OSBP: variants seen among roughly 807,000 people sequenced by gnomAD.
The protein encoded by OSBP is oxysterol binding protein, also known as oxysterol-binding protein 1.
In OSBP, 32 loss-of-function variants were observed where a neutral mutation model predicts 96.6. The ratio of observed to expected loss-of-function variants is 0.33; its 90% confidence interval spans 0.25 to 0.45. The LOEUF is 0.45. Among genes scored for constraint, OSBP ranks in the 20% least tolerant of loss-of-function variants. The probability of loss-of-function intolerance (pLI) is 1.00; values close to 1 mark genes in which losing one functional copy is unlikely to be tolerated. For synonymous variants in OSBP, 369 were observed against 389.6 expected (o/e 0.95, Z 0.62); for missense variants, 653 against 1,029.7 (o/e 0.63, Z 5.01).
At chr11:59,584,925 T>C (rs1860475389) in intron 9 of OSBP, among the ~76,000 whole-genome samples, 1 of 152,202 alleles carries the variant, frequency 6.6e-6, no homozygotes, top group Admixed American at 6.5e-5. Flanking sequence ...CCTGATAGAA[T>C]TCATAAATGA....
chr11:59,596,769 G>A (rs959755449), intron 7 of OSBP, among the ~76,000 whole-genome samples: 2 of 152,170 alleles, frequency 1.3e-5, no homozygotes, highest in African/African-American at 4.8e-5. Context: ...CTAGAGCCAC[G>A]TAGGTGCGCC....
chr11:59,595,171 CTT>C lies in OSBP; in HGVS notation c.1312-918_1312-917del, dbSNP rs1383293084. The C allele has an allele frequency of 3.9e-5, 6 of 153,156 alleles. No individual in the cohort carries two copies. In the East Asian group the frequency reaches 5.8e-4, roughly 15 times the overall value. 9.5% of individuals were successfully genotyped at this position (153,156 alleles called of 1,614,324 possible). A position where few individuals can be genotyped will look rare whatever the true frequency, so the allele number is the denominator to read the frequency against. On this transcript the variant is annotated intron_variant, in intron 7 of 13. Transcript: ENST00000263847. ...CTAAAAAAGTCAGCTTCAAAATTAACTTTGAAATTTTAAATGATTTTACTATG... is the reference window on the plus strand; with the variant it reads ...CTAAAAAAGTCAGCTTCAAAATTAACTGAAATTTTAAATGATTTTACTATG...
rs766909120 is a variant in OSBP at position 59,615,584 on chromosome 11, G to A, written c.81C>T (p.Pro27=). The A allele has an allele frequency of 8.4e-5, 116 of 1,375,420 alleles. 2 individuals carry two copies. The highest frequency in any genetic ancestry group is 3.1e-4 in the South Asian group (19 of 61,792). The allele number at this position is 1,375,420 out of a possible 1,614,324, so 85.2% of individuals were successfully genotyped here. ...IAALGGGGAG[P]PVVGGGGGRG... ...GGCCGCCGCCTCCTCCCACCACTGG[G>A]GGACCGGCGCCGCCGCCGCCAAGTG... The change falls in exon 1 of 14, where the codon CCC becomes CCT. Residue 27 remains proline, a synonymous_variant. Transcript: ENST00000263847.
intron 3 of OSBP, among the ~76,000 whole-genome samples, chr11:59,605,308 T>G (rs1860769151): frequency 6.6e-6 from 1 of 152,176 alleles, no homozygotes; most frequent in Admixed American, 6.5e-5. Context: ...CGACTAACAG[T>G]CAATTACCAG....
In OSBP at chr11:59,575,726, A is replaced by G. The variant is rs1860353947; in HGVS notation, c.*851T>C. The G allele has an allele frequency of 6.6e-6, 1 of 152,424 alleles. No individual in the cohort carries two copies. Among genetic ancestry groups the G allele is most frequent in the South Asian group, 2.1e-4 (1 of 4,826 alleles). The allele number at this position is 152,424 out of a possible 1,614,324, so 9.4% of individuals were successfully genotyped here. ...TGTGCCAGAAGAAGAGAAGCCAGAA[A>G]GACAATGAAGGATGGCATTAAGGGG... On this transcript the variant is annotated 3_prime_UTR_variant, in exon 14 of 14. Coordinates refer to ENST00000263847, the MANE Select transcript of OSBP (RefSeq NM_002556.3).
At chr11:59,577,998 T>C (rs548499597) in intron 12 of OSBP, 151 bp downstream of exon 12, 1 of 691,942 alleles carries the variant, frequency 1.4e-6, no homozygotes, top group South Asian at 1.9e-5. Flanking sequence ...AATCATACAA[T>C]GACAACCTTC....
intron 1 of OSBP, among the ~76,000 whole-genome samples, chr11:59,610,954 T>G (rs1860836875): frequency 6.6e-6 from 1 of 151,890 alleles, no homozygotes; most frequent in Non-Finnish European, 1.5e-5. Context: ...GCTAACATGG[T>G]GAAACCCTGT....
chr11:59,580,915 A>G (rs894505829), intron 10 of OSBP, among the ~76,000 whole-genome samples: 2 of 152,218 alleles, frequency 1.3e-5, no homozygotes, highest in Non-Finnish European at 2.9e-5. Flanking sequence ...GACTGCTCAG[A>G]AGACAGTATA....
Position 59,580,184 on chromosome 11 carries a change from A to C in OSBP, c.1868T>G (p.Val623Gly). 6.2e-7 allele frequency: 1 copy of C among 1,602,996 alleles called. No individual in the cohort carries two copies. The highest frequency in any genetic ancestry group is 8.5e-7 in the Non-Finnish European group (1 of 1,170,028). ...FVPYSYFSRDVARKVTGEVTD... is the reference protein window; with the variant it reads ...FVPYSYFSRDGARKVTGEVTD... ...TTCAACTTCCCTTACCTTTCTTGCT[A>C]CATCCCGAGAGAAGTAGCTATAAGG... The change falls in exon 11 of 14, where the codon GTA (valine) becomes GGA (glycine). Residue 623 changes from valine to glycine, a missense_variant. Physicochemically the swap from Val to Gly is moderately radical, Grantham distance 109 (BLOSUM62 -3). Coordinates refer to ENST00000263847, the MANE Select transcript of OSBP (RefSeq NM_002556.3).
chr11:59,576,605 T>C lies in OSBP; in HGVS notation c.2396A>G (p.Asp799Gly). ...GEYWECKEKQ[D>G]WSSCPDIF Reference sequence around the variant, plus strand: ...GAAAATGTCCGGGCATGAGCTCCAGTCCTGTTTTTCTTTACACTCCCAGTA... The same window carrying C: ...GAAAATGTCCGGGCATGAGCTCCAGCCCTGTTTTTCTTTACACTCCCAGTA... Residue 799 changes from aspartate to glycine, a missense_variant, in exon 14 of 14, where the codon GAC (aspartate) becomes GGC (glycine). Transcript: ENST00000263847. The C allele has an allele frequency of 1.2e-6, 2 of 1,613,978 alleles. No individual in the cohort carries two copies. Among genetic ancestry groups the C allele is most frequent in the African/African-American group, 2.7e-5 (2 of 75,038 alleles).
intron 2 of OSBP, among the ~76,000 whole-genome samples, chr11:59,609,250 A>G (rs1860817039): frequency 1.3e-5 from 2 of 152,322 alleles, no homozygotes; most frequent in Admixed American, 1.3e-4. Flanking sequence ...CTCTTTGTAG[A>G]CAAAGTCCAC....
intron 12 of OSBP, 83 bp from the exon 13 acceptor site, chr11:59,577,108 A>G: frequency 9.4e-7 from 1 of 1,062,478 alleles, no homozygotes; most frequent in South Asian, 1.5e-5. Context: ...TACACTGCCA[A>G]GGCCACATCA....
intron 9 of OSBP, among the ~76,000 whole-genome samples, chr11:59,585,173 T>C (rs1158293643): frequency 1.5e-5 from 2 of 136,222 alleles, no homozygotes; most frequent in African/African-American, 2.8e-5. Context: ...CCGGCCGCCA[T>C]CCCATCTAGG....
chr11:59,605,597 G>C (rs1860772532), intron 3 of OSBP, among the ~76,000 whole-genome samples: 1 of 151,976 alleles, frequency 6.6e-6, no homozygotes, highest in South Asian at 2.1e-4. Flanking sequence ...TGTTGGCCAG[G>C]CTGGTCTCGA....
At chr11:59,602,994 C>A (rs1472263629) in intron 3 of OSBP, among the ~76,000 whole-genome samples, 2 of 152,162 alleles carry the variant, frequency 1.3e-5, no homozygotes, top group African/African-American at 2.4e-5. Flanking sequence ...CCATCCCTAT[C>A]CCCTGTTTCT....
intron 2 of OSBP, among the ~76,000 whole-genome samples, chr11:59,609,899 G>A (rs1245780074): frequency 1.3e-5 from 2 of 152,100 alleles, no homozygotes; most frequent in African/African-American, 4.8e-5. Context: ...GGTATCAGGA[G>A]AAAAAGCACG....
At chr11:59,582,356 G>A (rs994073097) in intron 9 of OSBP, among the ~76,000 whole-genome samples, 1 of 152,140 alleles carries the variant, frequency 6.6e-6, no homozygotes, top group African/African-American at 2.4e-5. Flanking sequence ...CCTAAATAAT[G>A]AAGCCCTGCT....
chr11:59,603,312 G>A (rs371768601), intron 3 of OSBP, among the ~76,000 whole-genome samples: 20 of 152,106 alleles, frequency 1.3e-4, no homozygotes, highest in African/African-American at 4.1e-4. Flanking sequence ...GGCAAGCAAC[G>A]TAAGCTTAAA....
At chr11:59,580,766 G>A (rs1172380566) in intron 10 of OSBP, among the ~76,000 whole-genome samples, 9 of 151,542 alleles carry the variant, frequency 5.9e-5, no homozygotes, top group Admixed American at 1.3e-4. Context: ...TGATCCTCCC[G>A]CCTTGGCCTC....
Sources: allele counts gnomAD v4.1 joint callset (sites outside exome capture counted in the v4.1 genomes callset), GRCh38; gene constraint gnomAD v4.1.1; transcripts MANE v1.5; gene names NCBI Gene and HGNC (gene_info 2026-07-23, HGNC 2026-07-21).